MRPS31: variants seen among roughly 807,000 people sequenced by gnomAD.
MRPS31 encodes small ribosomal subunit protein mS31.
Under a neutral mutation model 43.1 loss-of-function variants are expected in MRPS31, and 32 were observed. That is an observed-to-expected ratio of 0.74 (90% CI 0.56 to 1.00). The LOEUF (loss-of-function observed/expected upper bound fraction) is 1.00. MRPS31 is among the 50% of genes least tolerant of loss of function. The pLI is 0.00. For synonymous variants in MRPS31, 165 were observed against 161.6 expected, an observed-to-expected ratio of 1.02 and a Z score of -0.16; for missense variants, 437 against 466.7, an observed-to-expected ratio of 0.94 and a Z score of 0.59.
At chr13:40,751,676 G>A (rs1880394654) in intron 5 of MRPS31, among the ~76,000 whole-genome samples, 2 of 152,162 alleles carry the variant, frequency 1.3e-5, no homozygotes, top group African/African-American at 4.8e-5. Flanking sequence ...ATTATTTCAG[G>A]TGGTGGGAAA....
At chr13:40,765,546 A>G (rs115261066) in intron 2 of MRPS31, among the ~76,000 whole-genome samples, 2,537 of 151,988 alleles carry the variant, frequency 0.017, 50 homozygotes, top group African/African-American at 0.055. Flanking sequence ...ATATACTTAT[A>G]TATAACCATT....
chr13:40,762,213 T>C (rs1004026828), intron 2 of MRPS31, among the ~76,000 whole-genome samples: 7 of 152,026 alleles, frequency 4.6e-5, no homozygotes, highest in Admixed American at 2.6e-4. Flanking sequence ...GCCTGGGGAA[T>C]AGAGCAAGAC....
At chr13:40,743,107 T>C (rs1393341795) in intron 6 of MRPS31, among the ~76,000 whole-genome samples, 2 of 150,842 alleles carry the variant, frequency 1.3e-5, no homozygotes, top group Non-Finnish European at 3.0e-5. Flanking sequence ...AGGTCAGGAG[T>C]TCAAGACCAG....
rs1353045145 is a variant in MRPS31, at chr13:40,757,326, C to A, written c.600-313G>T. Among the ~76,000 whole-genome samples the A allele has an allele frequency of 7.9e-5, 12 of 152,166 alleles. No individual in the cohort carries two copies. In the East Asian group the frequency reaches 2.1e-3, roughly 27 times the overall value. On this transcript the variant is annotated intron_variant, in intron 3 of 6. Transcript: ENST00000323563. ...CAGTATCTGTTATACCTATCACCTA[C>A]ATCCAATAACTAAATTAAAACCAAG... is the stretch of plus-strand genomic sequence containing the variant.
chr13:40,765,384 C>T (rs1285636323), intron 2 of MRPS31, among the ~76,000 whole-genome samples: 1 of 152,214 alleles, frequency 6.6e-6, no homozygotes, highest in Non-Finnish European at 1.5e-5. Flanking sequence ...TTTACTGACT[C>T]TTTCCAAAGC....
At chr13:40,738,313 A>G (rs1879983198) in intron 6 of MRPS31, among the ~76,000 whole-genome samples, 1 of 152,112 alleles carries the variant, frequency 6.6e-6, no homozygotes, top group African/African-American at 2.4e-5. Context: ...ACCAACCAAA[A>G]AGAGTCCAGG....
chr13:40,732,451 G>A (rs1330746672), intron 6 of MRPS31, among the ~76,000 whole-genome samples: 1 of 152,202 alleles, frequency 6.6e-6, no homozygotes, highest in Non-Finnish European at 1.5e-5. Flanking sequence ...ACATGTGCAT[G>A]GGCAGGGGAT....
chr13:40,736,406 G>A lies in MRPS31; in HGVS notation c.959-6805C>T, dbSNP rs868680095. ...ACCCAATCTAGCAAGGCAGGCCAACGTTCAGATTCAGGAAATACAGAGAAC... is the reference window on the plus strand; with the variant it reads ...ACCCAATCTAGCAAGGCAGGCCAACATTCAGATTCAGGAAATACAGAGAAC... On this transcript the variant is annotated intron_variant, in intron 6 of 6. Coordinates refer to ENST00000323563, the MANE Select transcript of MRPS31 (RefSeq NM_005830.4). Among the ~76,000 whole-genome samples, 469 of 149,812 alleles carry A rather than the reference G, an allele frequency of 3.1e-3. 6 individuals are homozygous for A. Among genetic ancestry groups the A allele is most frequent in the African/African-American group, 0.011 (441 of 40,354 alleles).
At chr13:40,742,506 C>G (rs1880128997) in intron 6 of MRPS31, among the ~76,000 whole-genome samples, 1 of 152,128 alleles carries the variant, frequency 6.6e-6, no homozygotes, top group Admixed American at 6.6e-5. Context: ...AGGCCATAAT[C>G]TCATCAAAAA....
rs758084407 is a variant in MRPS31 at position 40,771,004 on chromosome 13, T to C, written c.133A>G (p.Ser45Gly). ...ACCTACCGGGCCAACAGCGCTGAACTGCGGTACCTGACTGTTCCGTGCCGA... is the reference window on the plus strand; with the variant it reads ...ACCTACCGGGCCAACAGCGCTGAACCGCGGTACCTGACTGTTCCGTGCCGA... Reference protein sequence around the residue: ...TVRHGTVRYRSSALLARTKNN... With the variant: ...TVRHGTVRYRGSALLARTKNN... The change falls in exon 1 of 7, where the codon AGT becomes GGT. Residue 45 changes from serine to glycine, a missense_variant. By Grantham distance (56) the Ser-to-Gly change is moderately conservative. Transcript: ENST00000323563. 4 of 1,614,152 alleles carry C rather than the reference T, an allele frequency of 2.5e-6. No homozygotes were observed. Among genetic ancestry groups the C allele is most frequent in the Non-Finnish European group, 3.4e-6 (4 of 1,180,020 alleles).
In MRPS31 at chr13:40,732,124, T is replaced by C. The variant is rs151210923; in HGVS notation, c.959-2523A>G. Among the ~76,000 whole-genome samples, 361 of 152,358 alleles carry C rather than the reference T, an allele frequency of 2.4e-3. 4 individuals are homozygous for C. The highest frequency in any genetic ancestry group is 8.2e-3 in the African/African-American group (339 of 41,586). On this transcript the variant is annotated intron_variant, in intron 6 of 6. Coordinates refer to ENST00000323563, the MANE Select transcript of MRPS31 (RefSeq NM_005830.4). Reference sequence around the variant, plus strand: ...TAAATTATCTTACAGCCAAGGCCTGTAGCCTCAAGTCAAGCGGTTGGAAGA... The same window carrying C: ...TAAATTATCTTACAGCCAAGGCCTGCAGCCTCAAGTCAAGCGGTTGGAAGA...
At chr13:40,749,414 G>A (rs544465183) in intron 5 of MRPS31, 133 bp from the exon 6 acceptor site, 1 of 568,706 alleles carries the variant, frequency 1.8e-6, no homozygotes, top group African/African-American at 1.9e-5. Context: ...ATAATAAAAA[G>A]TTACTGAGAG....
At chr13:40,767,363 G>A (rs1880881578) in intron 1 of MRPS31, among the ~76,000 whole-genome samples, 1 of 152,190 alleles carries the variant, frequency 6.6e-6, no homozygotes. Flanking sequence ...CCCCATGTTG[G>A]CCAGGCTGGT....
In MRPS31 at chr13:40,766,937, C is replaced by A. The variant is rs1407478038; in HGVS notation, c.249G>T (p.Glu83Asp). ...TTTCACTGTCTTGGCTCTCTGAAGT[C>A]TCCTTGGAAGTCTCCTCAGTTCGAA... is the stretch of plus-strand genomic sequence containing the variant. ...QSVRTEETSKETSESQDSEKE... is the reference protein window; with the variant it reads ...QSVRTEETSKDTSESQDSEKE... The change falls in exon 2 of 7, where the codon GAG becomes GAT. Residue 83 changes from glutamate to aspartate, a missense_variant. By Grantham distance (45) the Glu-to-Asp change is conservative. Transcript: ENST00000323563. 10 of 1,613,962 alleles carry A rather than the reference C, an allele frequency of 6.2e-6. No individual in the cohort carries two copies. Among genetic ancestry groups the A allele is most frequent in the Non-Finnish European group, 6.8e-6 (8 of 1,180,016 alleles).
At chr13:40,753,946 A>G in intron 5 of MRPS31, 73 bp downstream of exon 5, 1 of 961,542 alleles carries the variant, frequency 1.0e-6, no homozygotes, top group Non-Finnish European at 1.6e-6. Context: ...TATCCAAACT[A>G]TTAGAACACT....
chr13:40,744,428 T>A (rs550875188), intron 6 of MRPS31, among the ~76,000 whole-genome samples: 1 of 152,330 alleles, frequency 6.6e-6, no homozygotes, highest in African/African-American at 2.4e-5. Flanking sequence ...AAAGGAGACA[T>A]AAATTAAAAA....
intron 6 of MRPS31, among the ~76,000 whole-genome samples, chr13:40,735,610 T>C (rs1879873045): frequency 6.6e-6 from 1 of 152,100 alleles, no homozygotes; most frequent in Non-Finnish European, 1.5e-5. Context: ...CCTCCTCAAG[T>C]GGGTCCCTGA....
chr13:40,734,328 C>G (rs1248108121), intron 6 of MRPS31, among the ~76,000 whole-genome samples: 1 of 151,824 alleles, frequency 6.6e-6, no homozygotes, highest in Non-Finnish European at 1.5e-5. Flanking sequence ...GACAGAAGTC[C>G]CAGGAGGAGG....
At chr13:40,746,472 A>G (rs1880242729) in intron 6 of MRPS31, among the ~76,000 whole-genome samples, 1 of 152,194 alleles carries the variant, frequency 6.6e-6, no homozygotes, top group South Asian at 2.1e-4. Context: ...TGAAATATCA[A>G]TAATATGCAG....
Sources: allele counts gnomAD v4.1 joint callset (sites outside exome capture counted in the v4.1 genomes callset), GRCh38; gene constraint gnomAD v4.1.1; transcripts MANE v1.5; gene names NCBI Gene and HGNC (gene_info 2026-07-23, HGNC 2026-07-21).